LRRC37A2: variants seen among roughly 807,000 people sequenced by gnomAD.
LRRC37A2 encodes the protein leucine-rich repeat-containing protein 37A2.
In LRRC37A2, 9 loss-of-function variants were observed where a neutral mutation model predicts 68.8. That is an observed-to-expected ratio of 0.13 (90% CI 0.08 to 0.23). The LOEUF (loss-of-function observed/expected upper bound fraction) is 0.23. Among genes scored for constraint, LRRC37A2 ranks in the 10% least tolerant of loss-of-function variants. LRRC37A2 has a pLI of 1.00. For missense variants in LRRC37A2, 168 were observed against 950.4 expected (o/e 0.18, Z 10.82); for synonymous variants, 63 against 367.6 (o/e 0.17, Z 9.48).
the LRRC37A2 span, among the ~76,000 whole-genome samples, chr17:46,788,403 C>T: frequency 6.6e-6 from 1 of 152,202 alleles, no homozygotes; most frequent in Non-Finnish European, 1.5e-5. Flanking sequence ...CTGGTTCCCA[C>T]ACCAGGACTT....
At chr17:47,028,545 G>A in the LRRC37A2 span, among the ~76,000 whole-genome samples, 1 of 152,130 alleles carries the variant, frequency 6.6e-6, no homozygotes, top group Non-Finnish European at 1.5e-5. Context: ...GCTTATATAT[G>A]ACCTCCTCTG....
the LRRC37A2 span, among the ~76,000 whole-genome samples, chr17:46,977,165 C>A: frequency 5.2e-3 from 792 of 152,306 alleles, 6 homozygotes; most frequent in African/African-American, 0.018. Context: ...CTGTGCCAAG[C>A]CTCTCCCTAA....
the LRRC37A2 span, among the ~76,000 whole-genome samples, chr17:46,714,634 T>C: frequency 1.3e-5 from 2 of 152,222 alleles, no homozygotes; most frequent in East Asian, 3.8e-4. Context: ...GCAAGTGCCA[T>C]GCAACAACAA....
the LRRC37A2 span, among the ~76,000 whole-genome samples, chr17:46,800,939 G>A: frequency 5.3e-5 from 8 of 152,214 alleles, no homozygotes; most frequent in South Asian, 1.5e-3. Flanking sequence ...AGAAGGCAGG[G>A]GGTAGCACAG....
At chr17:46,940,556 C>T in the LRRC37A2 span, 1 of 1,614,158 alleles carries the variant, frequency 6.2e-7, no homozygotes, top group East Asian at 2.2e-5. Flanking sequence ...GTCCCCCAGG[C>T]ACCCAAGGAT....
At chr17:46,931,398 G>T in the LRRC37A2 span, 1 of 611,866 alleles carries the variant, frequency 1.6e-6, no homozygotes, top group Non-Finnish European at 2.9e-6. Context: ...TAGCCTGTGA[G>T]GTTTGTGACT....
At chr17:46,859,915 G>A in the LRRC37A2 span, among the ~76,000 whole-genome samples, 6 of 152,148 alleles carry the variant, frequency 3.9e-5, no homozygotes, top group African/African-American at 1.4e-4. Flanking sequence ...TTTAAAAAAA[G>A]AAATTCTTCC....
At chr17:46,724,478 G>A in the LRRC37A2 span, among the ~76,000 whole-genome samples, 1 of 152,154 alleles carries the variant, frequency 6.6e-6, no homozygotes, top group Non-Finnish European at 1.5e-5. Flanking sequence ...ATCATGCAGT[G>A]ACTCCTAAGG....
At chr17:46,438,398 C>A in the LRRC37A2 span, among the ~76,000 whole-genome samples, 2 of 64,210 alleles carry the variant, frequency 3.1e-5, no homozygotes, top group Non-Finnish European at 4.3e-5. Context: ...CATAAAATAA[C>A]TTGAAGAAAA....
the LRRC37A2 span, among the ~76,000 whole-genome samples, chr17:46,862,715 T>A: frequency 6.6e-6 from 1 of 152,178 alleles, no homozygotes; most frequent in South Asian, 2.1e-4. Context: ...CCCGAGTAGC[T>A]AGGACAACAG....
At chr17:46,758,356 C>T in the LRRC37A2 span, among the ~76,000 whole-genome samples, 1 of 152,242 alleles carries the variant, frequency 6.6e-6, no homozygotes, top group Non-Finnish European at 1.5e-5. Flanking sequence ...GACCTGGTCC[C>T]TGCATAGCCT....
the LRRC37A2 span, among the ~76,000 whole-genome samples, chr17:46,866,165 G>A: frequency 1.3e-5 from 2 of 152,066 alleles, no homozygotes; most frequent in African/African-American, 4.8e-5. Flanking sequence ...GGAAATCTGG[G>A]GCCTCCCAGT....
the LRRC37A2 span, among the ~76,000 whole-genome samples, chr17:46,497,432 TTAA>T: frequency 3.5e-5 from 5 of 143,308 alleles, no homozygotes; most frequent in African/African-American, 1.4e-4. Flanking sequence ...TTATGTTTTA[TTAA>T]TTGGCTTTTG....
At chr17:46,634,072 C>T in the LRRC37A2 span, among the ~76,000 whole-genome samples, 18 of 10,374 alleles carry the variant, frequency 1.7e-3, no homozygotes, top group Admixed American at 2.5e-3. Context: ...GGTTTCTCCA[C>T]GTTTGTCAGG....
At chr17:46,486,099 A>G in the LRRC37A2 span, among the ~76,000 whole-genome samples, 5 of 77,294 alleles carry the variant, frequency 6.5e-5, 1 homozygote, top group Non-Finnish European at 1.2e-4. Flanking sequence ...ATTCATCTCC[A>G]GACCTCTTTT....
chr17:46,964,707 C>G, the LRRC37A2 span: 1 of 152,322 alleles, frequency 6.6e-6, no homozygotes, highest in South Asian at 2.1e-4. Flanking sequence ...GAGATGGGAG[C>G]TGACAGCCTA....
chr17:46,932,341 G>A, the LRRC37A2 span: 1 of 914,340 alleles, frequency 1.1e-6, no homozygotes, highest in Non-Finnish European at 1.8e-6. Flanking sequence ...CAGGAACTTT[G>A]TGCATTGCCA....
the LRRC37A2 span, among the ~76,000 whole-genome samples, chr17:46,882,522 A>G: frequency 6.6e-6 from 1 of 151,438 alleles, no homozygotes; most frequent in African/African-American, 2.4e-5. Context: ...AGCAACCTCC[A>G]CCTCCTAGGT....
At chr17:46,771,317 C>T in the LRRC37A2 span, among the ~76,000 whole-genome samples, 5 of 152,102 alleles carry the variant, frequency 3.3e-5, no homozygotes, top group African/African-American at 1.2e-4. Context: ...GGGTCCCAGC[C>T]GCGCCGCTCA....
Sources: allele counts gnomAD v4.1 joint callset (sites outside exome capture counted in the v4.1 genomes callset), GRCh38; gene constraint gnomAD v4.1.1; transcripts MANE v1.5; gene names NCBI Gene and HGNC (gene_info 2026-07-23, HGNC 2026-07-21).